Variants in ZDHHC20 observed in about 807,000 individuals in gnomAD.
ZDHHC20 encodes the protein zDHHC palmitoyltransferase 20.
ZDHHC20 carries 43 observed loss-of-function variants against 57.8 expected under a neutral mutation model. That is an observed-to-expected ratio of 0.74 (90% confidence interval 0.58 to 0.96). ZDHHC20 has a LOEUF of 0.96. Among genes scored for constraint, ZDHHC20 ranks in the 40% least tolerant of loss-of-function variants. ZDHHC20 has a pLI of 0.00. For synonymous variants in ZDHHC20, 157 were observed against 153.0 expected, an observed-to-expected ratio of 1.03 and a Z score of -0.19; for missense variants, 391 against 441.1, an observed-to-expected ratio of 0.89 and a Z score of 1.02.
rs184207377 is a variant in ZDHHC20, at chr13:21,388,185, A to G, written c.728-551T>C. ...GGGTGCTTGTAGGGAAAGGTGAGCA[A>G]GCTGAGGATGACTAGACCATTATTT... is the stretch of plus-strand genomic sequence containing the variant. On this transcript the variant is annotated intron_variant, in intron 8 of 12. Transcript: ENST00000400590. Among the ~76,000 whole-genome samples the G allele has an allele frequency of 2.5e-3, 388 of 152,164 alleles. 8 individuals carry two copies. The highest frequency in any genetic ancestry group is 0.022 in the Admixed American group (339 of 15,280).
At position 21,451,638 on chromosome 13, in the gene ZDHHC20, C is replaced by T. The variant is rs189476452; in HGVS notation, c.118+7416G>A. Among the ~76,000 whole-genome samples, 16 of 152,122 alleles carry T rather than the reference C, an allele frequency of 1.1e-4. No individual in the cohort carries two copies. The East Asian group carries it at 2.7e-3, about 26-fold the overall frequency. ...GAAGAGTAGGGGAGAAATACTGATACATAATACACAGATGAACCTCAAAAA... is the reference window on the plus strand; with the variant it reads ...GAAGAGTAGGGGAGAAATACTGATATATAATACACAGATGAACCTCAAAAA... On this transcript the variant is annotated intron_variant, in intron 1 of 12. Transcript: ENST00000400590.
At chr13:21,413,230 C>T (rs1272906440) in intron 4 of ZDHHC20, among the ~76,000 whole-genome samples, 1 of 152,098 alleles carries the variant, frequency 6.6e-6, no homozygotes, top group African/African-American at 2.4e-5. Context: ...TAGCCTTATA[C>T]ATCTGAACAA....
Position 21,391,745 on chromosome 13 carries a change from A to T in ZDHHC20, c.704T>A (p.Val235Asp). Reference protein sequence around the residue: ...LSLFSYHCWLVGKNRTTIESF... With the variant: ...LSLFSYHCWLDGKNRTTIESF... The stretch of plus-strand genomic sequence containing the variant: ...ACCTATTGTTGTTCTATTTTTTCCA[A>T]CTAGCCAGCAGTGGTAGCTGAAAAG... Residue 235 changes from valine to aspartate, a missense_variant, in exon 8 of 13, where the codon GTT (valine) becomes GAT (aspartate). Transcript: ENST00000400590. 6.2e-7 allele frequency: 1 copy of T among 1,609,526 alleles called. No homozygotes were observed. Among genetic ancestry groups the T allele is most frequent in the Non-Finnish European group, 8.5e-7 (1 of 1,179,134 alleles).
chr13:21,404,281 A>T (rs747450388), intron 4 of ZDHHC20: 1 of 491,334 alleles, frequency 2.0e-6, no homozygotes. Context: ...AGCCTTTTCT[A>T]AAGCCGACTT....
intron 1 of ZDHHC20, among the ~76,000 whole-genome samples, chr13:21,442,825 T>C (rs527940499): frequency 6.6e-6 from 1 of 152,350 alleles, no homozygotes; most frequent in Non-Finnish European, 1.5e-5. Context: ...TATTTATGTC[T>C]GGATACTGAA....
intron 1 of ZDHHC20, among the ~76,000 whole-genome samples, chr13:21,455,698 A>G (rs1200507900): frequency 1.3e-5 from 2 of 152,022 alleles, no homozygotes; most frequent in Non-Finnish European, 2.9e-5. Context: ...AGCAAGTTAC[A>G]GAGGGTAAGA....
intron 4 of ZDHHC20, among the ~76,000 whole-genome samples, chr13:21,409,673 C>T (rs1040260222): frequency 2.6e-5 from 4 of 152,066 alleles, no homozygotes; most frequent in Non-Finnish European, 4.4e-5. Flanking sequence ...TCTACTTGAT[C>T]GATTCAGCTA....
chr13:21,415,134 A>G (rs1162348196), intron 3 of ZDHHC20, among the ~76,000 whole-genome samples: 1 of 152,172 alleles, frequency 6.6e-6, no homozygotes, highest in Non-Finnish European at 1.5e-5. Context: ...TGCTATAAAC[A>G]AGGCAATAGC....
chr13:21,451,824 T>C (rs1356245674), intron 1 of ZDHHC20, among the ~76,000 whole-genome samples: 1 of 151,932 alleles, frequency 6.6e-6, no homozygotes, highest in Non-Finnish European at 1.5e-5. Flanking sequence ...ACCCTGTCTC[T>C]ACTAAAAATA....
intron 1 of ZDHHC20, among the ~76,000 whole-genome samples, chr13:21,428,740 G>A (rs9580116): frequency 0.16 from 24,106 of 151,576 alleles, 2,603 homozygotes; most frequent in Non-Finnish European, 0.25. Context: ...TGCGCCTGTA[G>A]TCCCAGCTAC....
intron 4 of ZDHHC20, among the ~76,000 whole-genome samples, chr13:21,411,060 A>G (rs1231983063): frequency 1.3e-5 from 2 of 152,182 alleles, no homozygotes; most frequent in Admixed American, 1.3e-4. Context: ...GTCTGGGCCG[A>G]ATAGCACTGT....
At chr13:21,381,603 C>A in intron 10 of ZDHHC20, 54 bp from the exon 11 acceptor site, 7 of 1,215,506 alleles carry the variant, frequency 5.8e-6, no homozygotes, top group Non-Finnish European at 8.4e-6. Context: ...ACTATGGATA[C>A]TTAATAAATT....
intron 2 of ZDHHC20, among the ~76,000 whole-genome samples, chr13:21,422,801 T>C (rs551583404): frequency 4.6e-5 from 7 of 152,298 alleles, no homozygotes; most frequent in Non-Finnish European, 1.0e-4. Flanking sequence ...ATAGTTTCTT[T>C]TCCCTCTTGG....
At chr13:21,379,811 T>TTTTTTC (rs1566059676) in intron 11 of ZDHHC20, among the ~76,000 whole-genome samples, 1 of 115,566 alleles carries the variant, frequency 8.7e-6, no homozygotes, top group African/African-American at 3.5e-5. Context: ...AGTGTGCTCT[T>TTTTTTC]TTTTTTCTTT....
intron 1 of ZDHHC20, among the ~76,000 whole-genome samples, chr13:21,452,510 C>A (rs912679561): frequency 1.3e-5 from 2 of 151,804 alleles, no homozygotes. Flanking sequence ...GATGGATTTA[C>A]AAAAAGGAAT....
chr13:21,402,865 A>AT lies in ZDHHC20; in HGVS notation c.371_372insA (p.Ile125TyrfsTer5). 1 of 1,587,658 alleles carries AT rather than the reference A, an allele frequency of 6.3e-7. No homozygotes were observed. Among genetic ancestry groups the AT allele is most frequent in the Non-Finnish European group, 8.6e-7 (1 of 1,165,898 alleles). On this transcript the variant is annotated frameshift_variant and splice_region_variant, in exon 5 of 13. Coordinates refer to ENST00000400590, the MANE Select transcript of ZDHHC20 (RefSeq NM_001330059.2). LOFTEE classifies it high-confidence loss of function. ...GCTGACATTTTTCACAATATCTGAT[A>AT]GCTACATGAAAGAAGTAAAAGGAAG...
chr13:21,381,575 T>C (rs377265136), intron 10 of ZDHHC20, 26 bp from the exon 11 acceptor site: 2 of 1,472,642 alleles, frequency 1.4e-6, no homozygotes, highest in African/African-American at 2.8e-5. Flanking sequence ...AACAACTTAG[T>C]AAACAGCTTA....
intron 11 of ZDHHC20, among the ~76,000 whole-genome samples, chr13:21,380,394 G>A (rs538596051): frequency 2.0e-5 from 3 of 151,812 alleles, no homozygotes; most frequent in South Asian, 4.2e-4. Flanking sequence ...GATTATAGGC[G>A]TGAGCCACCG....
At chr13:21,396,855 A>C (rs1036963296) in intron 7 of ZDHHC20, among the ~76,000 whole-genome samples, 74 of 151,090 alleles carry the variant, frequency 4.9e-4, no homozygotes, top group African/African-American at 1.8e-3. Flanking sequence ...AGAAAGAAAG[A>C]AAACTCAGAA....
Sources: allele counts gnomAD v4.1 joint callset (sites outside exome capture counted in the v4.1 genomes callset), GRCh38; gene constraint gnomAD v4.1.1; transcripts MANE v1.5; gene names NCBI Gene and HGNC (gene_info 2026-07-23, HGNC 2026-07-21).